The following RASD2 variants were observed in gnomAD, a reference collection of about 807,000 sequenced individuals.
RASD2 encodes GTP-binding protein Rhes.
A neutral mutation model predicts 15.8 loss-of-function variants in RASD2; 7 were observed. That is an observed-to-expected ratio of 0.44 (90% confidence interval 0.25 to 0.83). RASD2 has a LOEUF of 0.83. RASD2 is among the 40% of genes least tolerant of loss of function. The pLI is 0.20. For missense variants in RASD2, 274 were observed against 382.8 expected, an observed-to-expected ratio of 0.72 and a Z score of 2.37; for synonymous variants, 155 against 153.6, an observed-to-expected ratio of 1.01 and a Z score of -0.07.
rs766165290 is a variant in RASD2 at position 35,553,605 on chromosome 22, C to G, written c.*1573C>G. On this transcript the variant is annotated 3_prime_UTR_variant, in exon 3 of 3. Transcript: ENST00000216127. ...CATTCAGTACATACCACGATGTGCT[C>G]CCTCTCTTGATGCTTGGCCCCTGGG... is the stretch of plus-strand genomic sequence containing the variant. 1 of 152,116 alleles carries G rather than the reference C, an allele frequency of 6.6e-6. No homozygotes were observed. Among genetic ancestry groups the G allele is most frequent in the Non-Finnish European group, 1.5e-5 (1 of 68,040 alleles). The allele number at this position is 152,116 out of a possible 1,614,324, so 9.4% of individuals were successfully genotyped here.
the RASD2 span, among the ~76,000 whole-genome samples, chr22:35,533,701 T>C: frequency 1.5e-5 from 2 of 137,638 alleles, no homozygotes; most frequent in East Asian, 4.0e-4. Flanking sequence ...ACAGTGATGA[T>C]GGTGATGATG....
chr22:35,539,799 T>C (rs1335256547), upstream of RASD2, among the ~76,000 whole-genome samples: 5 of 152,322 alleles, frequency 3.3e-5, no homozygotes, highest in East Asian at 9.7e-4. Context: ...TTAAAAAATA[T>C]ATTAAGTAAT....
chr22:35,535,683 C>A, the RASD2 span, among the ~76,000 whole-genome samples: 6 of 152,142 alleles, frequency 3.9e-5, no homozygotes, highest in African/African-American at 1.4e-4. Context: ...GGCACAGGCT[C>A]CAGCATGTGC....
chr22:35,539,262 C>T (rs1378552307), upstream of RASD2, among the ~76,000 whole-genome samples: 1 of 152,170 alleles, frequency 6.6e-6, no homozygotes, highest in Non-Finnish European at 1.5e-5. Context: ...TTCATGACGG[C>T]CCAGGGTCAG....
chr22:35,535,894 T>C (rs1934240634), upstream of RASD2, among the ~76,000 whole-genome samples: 1 of 112,424 alleles, frequency 8.9e-6, no homozygotes, highest in African/African-American at 3.4e-5. Flanking sequence ...CTTGCTTGGA[T>C]CATCGGGCTC....
At chr22:35,540,216 G>A (rs1934305742), upstream of RASD2, among the ~76,000 whole-genome samples, 1 of 152,140 alleles carries the variant, frequency 6.6e-6, no homozygotes, top group African/African-American at 2.4e-5. Context: ...TGGGCAGGCG[G>A]CCGGACCCCA....
At chr22:35,537,094 A>G (rs948241060), upstream of RASD2, among the ~76,000 whole-genome samples, 2 of 151,738 alleles carry the variant, frequency 1.3e-5, no homozygotes, top group Non-Finnish European at 2.9e-5. Context: ...TTTTTTTCCT[A>G]TTGGAATAAT....
chr22:35,533,852 G>A, the RASD2 span, among the ~76,000 whole-genome samples: 1 of 151,162 alleles, frequency 6.6e-6, no homozygotes, highest in African/African-American at 2.4e-5. Context: ...TGGGGATGAT[G>A]ATCACAGTGA....
At chr22:35,542,058 G>A (rs1484985005) in intron 1 of RASD2, among the ~76,000 whole-genome samples, 2 of 152,170 alleles carry the variant, frequency 1.3e-5, no homozygotes, top group Non-Finnish European at 2.9e-5. Flanking sequence ...TGGAGGGCCC[G>A]GAAGGCAGCT....
chr22:35,550,816 T>C (rs79236185), intron 2 of RASD2, among the ~76,000 whole-genome samples: 1,930 of 152,218 alleles, frequency 0.013, 44 homozygotes, highest in African/African-American at 0.044. Flanking sequence ...TCACCTGTAA[T>C]GCAAAGGTAA....
At chr22:35,546,282 C>T (rs1334860047) in intron 1 of RASD2, among the ~76,000 whole-genome samples, 1 of 152,174 alleles carries the variant, frequency 6.6e-6, no homozygotes, top group African/African-American at 2.4e-5. Context: ...CACAGAACCA[C>T]CCCCTGCCCC....
intron 1 of RASD2, among the ~76,000 whole-genome samples, chr22:35,544,417 C>T (rs555459478): frequency 6.6e-6 from 1 of 152,360 alleles, no homozygotes; most frequent in African/African-American, 2.4e-5. Context: ...CTCATCAGGG[C>T]TGCCCTAGGG....
Position 35,552,219 on chromosome 22 carries a change from C to CA in RASD2, c.*187_*188insA. The CA allele has an allele frequency of 1.4e-6, 1 of 692,934 alleles. No homozygotes were observed. The highest frequency in any genetic ancestry group is 2.4e-6 in the Non-Finnish European group (1 of 424,102). 42.9% of individuals were successfully genotyped at this position (692,934 alleles called of 1,614,324 possible). The stretch of plus-strand genomic sequence containing the variant: ...CCTTCTCACAGCTTTCCTGAGTCCG[C>CA]TTGTCCACAGCTCCTTGGTGGTTTC... On this transcript the variant is annotated 3_prime_UTR_variant, in exon 3 of 3. Coordinates refer to ENST00000216127, the MANE Select transcript of RASD2 (RefSeq NM_014310.4).
rs749373422 is a variant in RASD2 at position 35,551,718 on chromosome 22, G to A, written c.487G>A (p.Asp163Asn). ...CGAGGCCGAGCTGCTGGTGTCGGGC[G>A]ACGAGAACTGCGCCTACTTCGAGGT... ...TTEAELLVSG[D>N]ENCAYFEVSA... The change falls in exon 3 of 3, where the codon GAC becomes AAC. Residue 163 changes from aspartate (D) to asparagine (N), a missense_variant. Transcript: ENST00000216127. This position sits in a 1 kb window ranked among gnomAD's most constrained non-coding sequence, Gnocchi z 4.9. 5 of 1,613,526 alleles carry A rather than the reference G, an allele frequency of 3.1e-6. No homozygotes were observed. The highest frequency in any genetic ancestry group is 4.5e-5 in the East Asian group (2 of 44,862).
rs1164480318 is a variant in RASD2 at position 35,553,394 on chromosome 22, G to A, written c.*1362G>A. The stretch of plus-strand genomic sequence containing the variant: ...GTGGGTTTTGAACCCATAAACCAAA[G>A]GCCCTTGTCATCAGCTCTTAACAAG... On this transcript the variant is annotated 3_prime_UTR_variant, in exon 3 of 3. Transcript: ENST00000216127. 2 of 152,470 alleles carry A rather than the reference G, an allele frequency of 1.3e-5. No homozygotes were observed. Among genetic ancestry groups the A allele is most frequent in the African/African-American group, 4.8e-5 (2 of 41,374 alleles). 9.4% of individuals were successfully genotyped at this position (152,470 alleles called of 1,614,324 possible). A position where few individuals can be genotyped will look rare whatever the true frequency, so the allele number is the denominator to read the frequency against.
intron 1 of RASD2, among the ~76,000 whole-genome samples, chr22:35,542,923 A>C (rs1351485792): frequency 6.6e-6 from 1 of 152,134 alleles, no homozygotes; most frequent in African/African-American, 2.4e-5. Context: ...GGGAGTGAGA[A>C]TATAGTATGT....
At chr22:35,538,310 A>C (rs1236985761), upstream of RASD2, among the ~76,000 whole-genome samples, 1 of 151,646 alleles carries the variant, frequency 6.6e-6, no homozygotes, top group Non-Finnish European at 1.5e-5. Context: ...GCCCTTGAAA[A>C]CTCTTGAGCA....
At chr22:35,539,306 G>A (rs542271369), upstream of RASD2, among the ~76,000 whole-genome samples, 31 of 152,240 alleles carry the variant, frequency 2.0e-4, no homozygotes, top group East Asian at 2.3e-3. Flanking sequence ...GGACTTGAAC[G>A]CCAGTCTCTC....
chr22:35,536,326 CT>C (rs559627212), upstream of RASD2, among the ~76,000 whole-genome samples: 1,779 of 140,174 alleles, frequency 0.013, 21 homozygotes, highest in South Asian at 0.053. Flanking sequence ...CAAACCGTCT[CT>C]TTTTTTTTTT....
Sources: gnomAD v4.1 joint callset for allele counts (sites outside exome capture counted in the v4.1 genomes callset) on GRCh38, gnomAD v4.1.1 for gene constraint, Gnocchi (gnomAD v3.1) non-coding constraint, MANE v1.5 for transcripts, NCBI Gene and HGNC (gene_info 2026-07-23, HGNC 2026-07-21) for gene names.